SYN2: variants seen among roughly 807,000 people sequenced by gnomAD.
SYN2 encodes the protein synapsin-2.
A neutral mutation model predicts 50.9 loss-of-function variants in SYN2; 19 were observed. The ratio of observed to expected loss-of-function variants is 0.37; its 90% confidence interval spans 0.26 to 0.55. SYN2 has a LOEUF of 0.55. Ranked by LOEUF, SYN2 falls within the 20% of genes least tolerant of loss-of-function variation. The pLI, the probability that SYN2 is intolerant of heterozygous loss-of-function variation, is 0.81. For synonymous variants in SYN2, 255 were observed against 224.9 expected (o/e 1.13, Z -1.20); for missense variants, 587 against 576.4 (o/e 1.02, Z -0.19).
chr3:12,069,130 G>A (rs528339678), intron 1 of SYN2, among the ~76,000 whole-genome samples: 57 of 152,026 alleles, frequency 3.7e-4, no homozygotes, highest in Non-Finnish European at 3.4e-4. Flanking sequence ...CTGACATTCC[G>A]TCATGTCTGT....
chr3:12,158,805 C>T, intron 5 of SYN2: 1 of 1,601,230 alleles, frequency 6.2e-7, no homozygotes, highest in African/African-American at 1.3e-5. Context: ...GCAGCAACAG[C>T]ACCCAGCTTG....
Position 12,153,647 on chromosome 3 carries a change from C to G in SYN2, c.774+2321C>G. ...AACCATAGAGCTTTCGTTCCAACAGCCAGTCTGTCCAGAGGCACTCGTTAG... is the reference window on the plus strand; with the variant it reads ...AACCATAGAGCTTTCGTTCCAACAGGCAGTCTGTCCAGAGGCACTCGTTAG... On this transcript the variant is annotated intron_variant, in intron 5 of 12. Transcript: ENST00000621198. 1 of 1,614,178 alleles carries G rather than the reference C, an allele frequency of 6.2e-7. No homozygotes were observed. Among genetic ancestry groups the G allele is most frequent in the Admixed American group, 1.7e-5 (1 of 60,022 alleles).
intron 1 of SYN2, among the ~76,000 whole-genome samples, chr3:12,010,050 G>A (rs1434155883): frequency 6.6e-6 from 1 of 152,046 alleles, no homozygotes; most frequent in East Asian, 1.9e-4. Context: ...AGCCGAGATC[G>A]CACCACTGCA....
chr3:12,158,966 G>GT, intron 5 of SYN2: 1 of 1,338,884 alleles, frequency 7.5e-7, no homozygotes, highest in Non-Finnish European at 9.8e-7. Flanking sequence ...GGCCAATCCC[G>GT]CCCCGACGGG....
At position 12,150,570 on chromosome 3, in the gene SYN2, C is replaced by T. The variant is rs557112717; in HGVS notation, c.685-667C>T. ...TGACACTGTAAGTATGTGTACTTTGCCCCTTCCCCATGGAGCTATTCCAGT... is the reference window on the plus strand; with the variant it reads ...TGACACTGTAAGTATGTGTACTTTGTCCCTTCCCCATGGAGCTATTCCAGT... On this transcript the variant is annotated intron_variant, in intron 4 of 12. Transcript: ENST00000621198. Among the ~76,000 whole-genome samples, 21 of 152,220 alleles carry T rather than the reference C, an allele frequency of 1.4e-4. 1 individual carries two copies. The highest frequency in any genetic ancestry group is 4.6e-4 in the African/African-American group (19 of 41,548).
chr3:12,038,034 TTTATCTC>T (rs1409397320), intron 1 of SYN2, among the ~76,000 whole-genome samples: 1 of 152,194 alleles, frequency 6.6e-6, no homozygotes, highest in East Asian at 1.9e-4. Flanking sequence ...GTTTTATAGT[TTTATCTC>T]TTACACTTAG....
chr3:12,008,728 G>A (rs1004726272), intron 1 of SYN2, among the ~76,000 whole-genome samples: 2 of 152,222 alleles, frequency 1.3e-5, no homozygotes, highest in African/African-American at 4.8e-5. Context: ...TACTGCAGAA[G>A]TTTAGAAGAG....
rs1347017205 is a variant in SYN2, at chr3:12,140,633, G to A, written c.378-18G>A. 1 of 748,282 alleles carries A rather than the reference G, an allele frequency of 1.3e-6. No homozygotes were observed. Among genetic ancestry groups the A allele is most frequent in the African/African-American group, 1.7e-5 (1 of 58,750 alleles). The allele number at this position is 748,282 out of a possible 1,614,324, so 46.4% of individuals were successfully genotyped here. Reference sequence around the variant, plus strand: ...ACTTGCACAAAACTAATTTGTGTGGGTTTATTCTTTTCTCCAGGGCCAAGT... The same window carrying A: ...ACTTGCACAAAACTAATTTGTGTGGATTTATTCTTTTCTCCAGGGCCAAGT... On this transcript the variant is annotated intron_variant, in intron 1 of 12. Coordinates refer to ENST00000621198, the MANE Select transcript of SYN2 (RefSeq NM_133625.6).
At chr3:12,062,636 A>G (rs572801288) in intron 1 of SYN2, among the ~76,000 whole-genome samples, 11 of 152,056 alleles carry the variant, frequency 7.2e-5, no homozygotes, top group Admixed American at 4.6e-4. Flanking sequence ...AAATATACCA[A>G]TAACTCTAAG....
chr3:12,088,169 A>C (rs1203788111), intron 1 of SYN2, among the ~76,000 whole-genome samples: 1 of 152,086 alleles, frequency 6.6e-6, no homozygotes, highest in African/African-American at 2.4e-5. Context: ...ACATCTGATA[A>C]GCGGTTAATA....
chr3:12,029,860 ACC>A (rs1694343782), intron 1 of SYN2, among the ~76,000 whole-genome samples: 1 of 102,080 alleles, frequency 9.8e-6, no homozygotes, highest in African/African-American at 5.2e-5. Context: ...CTAATTGAAT[ACC>A]CTTTATTTCT....
At chr3:12,153,212 C>T in intron 5 of SYN2, 2 of 465,884 alleles carry the variant, frequency 4.3e-6, no homozygotes, top group Non-Finnish European at 7.9e-6. Context: ...AAGGAAAACA[C>T]ATATTCCTGG....
chr3:12,039,801 C>T (rs1694574863), intron 1 of SYN2, among the ~76,000 whole-genome samples: 1 of 152,036 alleles, frequency 6.6e-6, no homozygotes, highest in South Asian at 2.1e-4. Flanking sequence ...AAACTTTTTC[C>T]TAAAAGAAGG....
chr3:12,023,431 C>G (rs906169256), intron 1 of SYN2, among the ~76,000 whole-genome samples: 7 of 151,748 alleles, frequency 4.6e-5, no homozygotes, highest in Non-Finnish European at 7.4e-5. Flanking sequence ...GAGTGTAAGA[C>G]TTCTTTAGCT....
At chr3:12,101,632 G>A (rs1045967975) in intron 1 of SYN2, among the ~76,000 whole-genome samples, 1 of 152,132 alleles carries the variant, frequency 6.6e-6, no homozygotes, top group Non-Finnish European at 1.5e-5. Flanking sequence ...TTTATAGTAT[G>A]TGAATTCTAT....
At chr3:12,170,017 T>C in intron 10 of SYN2, 111 bp downstream of exon 10, 1 of 1,343,094 alleles carries the variant, frequency 7.4e-7, no homozygotes. Flanking sequence ...CAGGCCTAAA[T>C]GGGATCTAAG....
chr3:12,153,629 G>T, intron 5 of SYN2: 2 of 1,614,146 alleles, frequency 1.2e-6, no homozygotes, highest in Non-Finnish European at 1.7e-6. Flanking sequence ...GGTAACCATA[G>T]AGCTTTCGTT....
At chr3:12,058,140 G>A (rs892829788) in intron 1 of SYN2, among the ~76,000 whole-genome samples, 1 of 152,188 alleles carries the variant, frequency 6.6e-6, no homozygotes, top group Admixed American at 6.5e-5. Context: ...CTGTAGATAA[G>A]TAGGCCATCT....
intron 1 of SYN2, among the ~76,000 whole-genome samples, chr3:12,112,326 A>G (rs1255632467): frequency 1.3e-5 from 2 of 152,136 alleles, no homozygotes; most frequent in African/African-American, 4.8e-5. Flanking sequence ...CAATGAATTA[A>G]TTTTATTTTT....
Sources: gnomAD v4.1 joint callset for allele counts (sites outside exome capture counted in the v4.1 genomes callset) on GRCh38, gnomAD v4.1.1 for gene constraint, MANE v1.5 for transcripts, NCBI Gene and HGNC (gene_info 2026-07-23, HGNC 2026-07-21) for gene names.